The following FRAS1 variants were observed in gnomAD, a reference collection of about 807,000 sequenced individuals.
FRAS1 encodes Fraser extracellular matrix complex subunit 1.
FRAS1 carries 290 observed loss-of-function variants against 435.2 expected under a neutral mutation model. The observed-to-expected ratio is 0.67, with a 90% CI of 0.61 to 0.73. FRAS1 has a LOEUF of 0.73. FRAS1 is among the 30% of genes least tolerant of loss of function. FRAS1 has a pLI of 0.00. For missense variants in FRAS1, 4,860 were observed against 5,001.5 expected, an observed-to-expected ratio of 0.97 and a Z score of 0.85; for synonymous variants, 1,800 against 1,851.0, an observed-to-expected ratio of 0.97 and a Z score of 0.71.
chr4:78,165,168 C>A (rs900196099), intron 2 of FRAS1, among the ~76,000 whole-genome samples: 5 of 152,156 alleles, frequency 3.3e-5, no homozygotes, highest in Non-Finnish European at 7.3e-5. Flanking sequence ...ATAGAGCTGA[C>A]CCAGTGACCT....
intron 29 of FRAS1, among the ~76,000 whole-genome samples, chr4:78,389,930 A>G (rs544810098): frequency 1.1e-4 from 17 of 152,190 alleles, no homozygotes; most frequent in African/African-American, 1.9e-4. Context: ...GGTATTTTCT[A>G]TGTCTGTCTG....
intron 2 of FRAS1, among the ~76,000 whole-genome samples, chr4:78,128,654 G>A (rs1180323814): frequency 1.1e-4 from 16 of 152,012 alleles, no homozygotes; most frequent in Non-Finnish European, 2.2e-4. Flanking sequence ...CTGGATATTA[G>A]CCCTTTGTCA....
intron 62 of FRAS1, 32 bp from the exon 63 acceptor site, chr4:78,508,697 CAA>C: frequency 6.2e-7 from 1 of 1,612,118 alleles, no homozygotes; most frequent in Non-Finnish European, 8.5e-7. Context: ...TGCCAATACC[CAA>C]CCTGAACTGA....
chr4:78,281,574 A>C, intron 11 of FRAS1, 141 bp downstream of exon 11: 1 of 538,134 alleles, frequency 1.9e-6, no homozygotes, highest in Non-Finnish European at 3.2e-6. Flanking sequence ...GGAATTAAGA[A>C]TCTTAATGAT....
intron 38 of FRAS1, among the ~76,000 whole-genome samples, chr4:78,436,207 CATGAACAGGAATTCCACAGA>C (rs1375519205): frequency 6.6e-6 from 1 of 152,116 alleles, no homozygotes; most frequent in East Asian, 1.9e-4. Context: ...AAGCAAGAGA[CATGAACAGGAATTCCACAGA>C]AGAGGAACCC....
At chr4:78,183,624 A>G (rs1400420133) in intron 2 of FRAS1, among the ~76,000 whole-genome samples, 1 of 152,158 alleles carries the variant, frequency 6.6e-6, no homozygotes, top group Admixed American at 6.5e-5. Context: ...TCTTCTACCA[A>G]CTGGGCTAAA....
intron 32 of FRAS1, among the ~76,000 whole-genome samples, chr4:78,413,972 T>C (rs939782961): frequency 6.6e-6 from 1 of 152,170 alleles, no homozygotes; most frequent in African/African-American, 2.4e-5. Flanking sequence ...TTAATCATCA[T>C]GGGTCCACAT....
intron 32 of FRAS1, among the ~76,000 whole-genome samples, chr4:78,418,706 T>C (rs906207769): frequency 2.0e-5 from 3 of 151,984 alleles, no homozygotes; most frequent in East Asian, 1.9e-4. Context: ...CTGCGGGCAG[T>C]TGGGGGAGAG....
At chr4:78,472,724 T>C (rs1719745775) in intron 52 of FRAS1, among the ~76,000 whole-genome samples, 1 of 152,232 alleles carries the variant, frequency 6.6e-6, no homozygotes, top group African/African-American at 2.4e-5. Flanking sequence ...CTAAGGATTA[T>C]AGACTTTAAG....
chr4:78,421,054 G>A (rs1280611221), intron 33 of FRAS1, among the ~76,000 whole-genome samples: 1 of 151,660 alleles, frequency 6.6e-6, no homozygotes, highest in Non-Finnish European at 1.5e-5. Context: ...CGATGTTCAA[G>A]GGCAGGAAGC....
chr4:78,413,528 T>C (rs1254964841), intron 32 of FRAS1, among the ~76,000 whole-genome samples: 1 of 152,182 alleles, frequency 6.6e-6, no homozygotes, highest in East Asian at 1.9e-4. Flanking sequence ...CTGTCAATGC[T>C]GAATCCAGAA....
intron 1 of FRAS1, among the ~76,000 whole-genome samples, chr4:78,060,180 C>A (rs552227738): frequency 6.6e-6 from 1 of 152,194 alleles, no homozygotes; most frequent in African/African-American, 2.4e-5. Context: ...TAAGTGATAT[C>A]ACTCCCACAG....
chr4:78,333,221 G>A lies in FRAS1; in HGVS notation c.2138-51G>A, dbSNP rs1243867194. The A allele has an allele frequency of 1.6e-5, 25 of 1,567,054 alleles. No individual in the cohort carries two copies. In the South Asian group the frequency reaches 2.5e-4, roughly 16 times the overall value. The stretch of plus-strand genomic sequence containing the variant: ...AATGGGAGAGATAGAGTTACTGTCT[G>A]TGTCACGTGGGGCTTTCCTGATTGT... On this transcript the variant is annotated intron_variant, in intron 18 of 73. Coordinates refer to ENST00000512123, the MANE Select transcript of FRAS1 (RefSeq NM_025074.7).
At chr4:78,259,608 C>G (rs1725976255) in intron 6 of FRAS1, among the ~76,000 whole-genome samples, 1 of 150,338 alleles carries the variant, frequency 6.7e-6, no homozygotes, top group South Asian at 2.1e-4. Flanking sequence ...TGGATATTAG[C>G]CCTTTGTCAG....
chr4:78,241,909 A>G (rs557233206), intron 3 of FRAS1, among the ~76,000 whole-genome samples: 2 of 152,256 alleles, frequency 1.3e-5, no homozygotes, highest in South Asian at 2.1e-4. Context: ...AAAAACAGAG[A>G]TCCAGGTGTC....
At chr4:78,076,049 T>G (rs1740621521) in intron 2 of FRAS1, among the ~76,000 whole-genome samples, 1 of 152,174 alleles carries the variant, frequency 6.6e-6, no homozygotes, top group African/African-American at 2.4e-5. Context: ...ACAAACTGAT[T>G]AGTATATTGT....
intron 59 of FRAS1, among the ~76,000 whole-genome samples, chr4:78,495,461 TG>T (rs1292674129): frequency 6.6e-6 from 1 of 152,140 alleles, no homozygotes; most frequent in East Asian, 1.9e-4. Context: ...CTTCCTTCTT[TG>T]GGGCACTCAT....
intron 2 of FRAS1, among the ~76,000 whole-genome samples, chr4:78,085,591 C>T (rs559387795): frequency 2.2e-4 from 33 of 152,076 alleles, no homozygotes; most frequent in Admixed American, 6.6e-4. Flanking sequence ...AGACATGAGA[C>T]GAAGGAAGGA....
At chr4:78,355,713 A>G (rs1216546020) in intron 20 of FRAS1, among the ~76,000 whole-genome samples, 1 of 152,146 alleles carries the variant, frequency 6.6e-6, no homozygotes, top group African/African-American at 2.4e-5. Flanking sequence ...TACAAGTTAA[A>G]CAGTGACCGT....
Sources: allele counts gnomAD v4.1 joint callset (sites outside exome capture counted in the v4.1 genomes callset), GRCh38; gene constraint gnomAD v4.1.1; transcripts MANE v1.5; gene names NCBI Gene and HGNC (gene_info 2026-07-23, HGNC 2026-07-21).